The following DYM variants were observed in gnomAD, a reference collection of about 807,000 sequenced individuals.
DYM encodes the protein dymeclin, also known as dyggve-Melchior-Clausen syndrome protein.
A neutral mutation model predicts 93.1 loss-of-function variants in DYM; 78 were observed. The ratio of observed to expected loss-of-function variants is 0.84; its 90% CI spans 0.70 to 1.01. The LOEUF (loss-of-function observed/expected upper bound fraction) is 1.01, where lower values mean the gene tolerates loss of function less well. Ranked by LOEUF, DYM falls within the 50% of genes least tolerant of loss-of-function variation. DYM has a pLI of 0.00. For synonymous variants in DYM, 321 were observed against 319.7 expected, an observed-to-expected ratio of 1.00 and a Z score of -0.04; for missense variants, 789 against 845.0, an observed-to-expected ratio of 0.93 and a Z score of 0.82.
rs763939277 is a variant in DYM, at chr18:49,258,362, A to G, written c.1365+18T>C. The G allele has an allele frequency of 2.3e-5, 34 of 1,504,244 alleles. No individual in the cohort carries two copies. Among genetic ancestry groups the G allele is most frequent in the Non-Finnish European group, 2.3e-5 (25 of 1,079,806 alleles). 93.2% of individuals were successfully genotyped at this position (1,504,244 alleles called of 1,614,324 possible). A position where few individuals can be genotyped will look rare whatever the true frequency, so the allele number is the denominator to read the frequency against. ...GTACTGTATGCAAAAAAGATAGAAT[A>G]GCAGCTGGAATACTTACTCGTGTCC... On this transcript the variant is annotated intron_variant, in intron 12 of 17. Coordinates refer to ENST00000675505, the MANE Select transcript of DYM (RefSeq NM_001353214.3).
intron 2 of DYM, among the ~76,000 whole-genome samples, chr18:49,425,499 C>G (rs1002327993): frequency 1.3e-5 from 2 of 152,064 alleles, no homozygotes; most frequent in African/African-American, 2.4e-5. Context: ...GACTTCATGT[C>G]TAAAACACCA....
intron 17 of DYM, among the ~76,000 whole-genome samples, chr18:49,092,512 C>G (rs1273514483): frequency 1.3e-5 from 2 of 152,208 alleles, no homozygotes; most frequent in Non-Finnish European, 2.9e-5. Flanking sequence ...AAGGGGGTGC[C>G]TTTCTCTCCT....
At chr18:49,142,140 T>A (rs776878897) in intron 15 of DYM, among the ~76,000 whole-genome samples, 6 of 151,872 alleles carry the variant, frequency 4.0e-5, no homozygotes, top group Non-Finnish European at 8.8e-5. Context: ...GGATTACAGG[T>A]GTGAGCCACC....
chr18:49,314,097 A>G (rs1305030526), intron 8 of DYM, among the ~76,000 whole-genome samples: 1 of 152,220 alleles, frequency 6.6e-6, no homozygotes, highest in Non-Finnish European at 1.5e-5. Context: ...TTTCTTCCCT[A>G]TCAAATATTA....
chr18:49,282,487 C>T (rs1010868137), intron 9 of DYM, among the ~76,000 whole-genome samples: 2 of 152,098 alleles, frequency 1.3e-5, no homozygotes, highest in African/African-American at 4.8e-5. Context: ...GTGGCGTGGG[C>T]CTGTAATCCC....
At chr18:49,256,515 G>C (rs554536634) in intron 13 of DYM, among the ~76,000 whole-genome samples, 17 of 152,308 alleles carry the variant, frequency 1.1e-4, no homozygotes, top group Middle Eastern at 3.4e-3. Flanking sequence ...TTTTAGCCTA[G>C]TGAGACCCAC....
intron 8 of DYM, among the ~76,000 whole-genome samples, chr18:49,317,132 C>T (rs189010660): frequency 7.2e-5 from 11 of 152,180 alleles, no homozygotes; most frequent in South Asian, 2.1e-4. Context: ...ATGCTAACAG[C>T]GGAAACTTGA....
At chr18:49,102,669 G>GT (rs972895830) in intron 16 of DYM, among the ~76,000 whole-genome samples, 54 of 152,176 alleles carry the variant, frequency 3.5e-4, no homozygotes, top group African/African-American at 1.3e-3. Flanking sequence ...GTGGTGTTTG[G>GT]TTTTTTTGTC....
chr18:49,055,703 C>G (rs564610325), intron 17 of DYM, among the ~76,000 whole-genome samples: 1 of 152,302 alleles, frequency 6.6e-6, no homozygotes, highest in Non-Finnish European at 1.5e-5. Flanking sequence ...CCCAAAATGC[C>G]GAGGGCCAAA....
At chr18:49,112,814 T>G (rs1356919417) in intron 16 of DYM, among the ~76,000 whole-genome samples, 1 of 152,114 alleles carries the variant, frequency 6.6e-6, no homozygotes, top group African/African-American at 2.4e-5. Context: ...TCCCAGCCAG[T>G]TCCCCATAAC....
intron 11 of DYM, among the ~76,000 whole-genome samples, chr18:49,271,354 C>A (rs1461142289): frequency 6.6e-6 from 1 of 151,904 alleles, no homozygotes; most frequent in African/African-American, 2.4e-5. Flanking sequence ...CTGAGTTAAC[C>A]AAAAATGGTA....
Position 49,036,390 on chromosome 18 carries a change from A to C in DYM, c.*7665T>G, listed in dbSNP as rs568691965. ...TTTAAAGAATTTGTTCATTTTATGC[A>C]AAATCTAAAAACAACTTTAATGAGG... On this transcript the variant is annotated 3_prime_UTR_variant, in exon 18 of 18. Transcript: ENST00000675505. Among the ~76,000 whole-genome samples the C allele has an allele frequency of 3.3e-5, 5 of 151,936 alleles. No individual in the cohort carries two copies. In the East Asian group the frequency reaches 9.7e-4, roughly 29 times the overall value.
In DYM at chr18:49,133,056, C is replaced by A. The variant is rs578132417; in HGVS notation, c.1729-14130G>T. ...CTGTTAAATTATAATGCTATACATTCTTTGCCATTTGTTTTTGTTATAAAA... is the reference window on the plus strand; with the variant it reads ...CTGTTAAATTATAATGCTATACATTATTTGCCATTTGTTTTTGTTATAAAA... On this transcript the variant is annotated intron_variant, in intron 15 of 17. Coordinates refer to ENST00000675505, the MANE Select transcript of DYM (RefSeq NM_001353214.3). Among the ~76,000 whole-genome samples the A allele has an allele frequency of 4.6e-5, 7 of 152,272 alleles. No individual in the cohort carries two copies. The East Asian group carries it at 1.2e-3, about 25-fold the overall frequency.
intron 16 of DYM, among the ~76,000 whole-genome samples, chr18:49,098,840 A>G (rs903291761): frequency 2.0e-5 from 3 of 152,246 alleles, no homozygotes; most frequent in African/African-American, 7.2e-5. Flanking sequence ...ATATCTGAAA[A>G]AAGACACAAC....
chr18:49,305,365 C>G (rs1384290462), intron 8 of DYM, among the ~76,000 whole-genome samples: 1 of 152,208 alleles, frequency 6.6e-6, no homozygotes, highest in Non-Finnish European at 1.5e-5. Flanking sequence ...ACCCCCAGCT[C>G]TGCCCAGCAA....
In DYM at chr18:49,382,781, A is replaced by G. The variant is rs377441718; in HGVS notation, c.194-3023T>C. On this transcript the variant is annotated intron_variant, in intron 3 of 17. Coordinates refer to ENST00000675505, the MANE Select transcript of DYM (RefSeq NM_001353214.3). ...ACCTGATGCTAGAGCTTGAACTTGT[A>G]GCAGTCTGTTAACTAGTGATGCTTG... Among the ~76,000 whole-genome samples the G allele has an allele frequency of 3.3e-5, 5 of 152,344 alleles. No individual in the cohort carries two copies. In the East Asian group the frequency reaches 7.7e-4, roughly 23 times the overall value.
chr18:49,172,779 T>G (rs1467836100), intron 14 of DYM, among the ~76,000 whole-genome samples: 2 of 152,158 alleles, frequency 1.3e-5, no homozygotes, highest in African/African-American at 4.8e-5. Flanking sequence ...AATTTTAAAT[T>G]TGATGAAATT....
intron 15 of DYM, among the ~76,000 whole-genome samples, chr18:49,146,234 TATC>T (rs945583162): frequency 5.9e-5 from 9 of 152,164 alleles, no homozygotes; most frequent in Non-Finnish European, 1.2e-4. Context: ...CCACAGCTGA[TATC>T]ATACTGAATG....
At chr18:49,385,043 T>C (rs758513836) in intron 3 of DYM, among the ~76,000 whole-genome samples, 60 of 149,428 alleles carry the variant, frequency 4.0e-4, no homozygotes, top group Non-Finnish European at 7.4e-4. Context: ...TCACCAAGGG[T>C]TAAAGGAAAA....
Sources: gnomAD v4.1 joint callset for allele counts (sites outside exome capture counted in the v4.1 genomes callset) on GRCh38, gnomAD v4.1.1 for gene constraint, MANE v1.5 for transcripts, NCBI Gene and HGNC (gene_info 2026-07-23, HGNC 2026-07-21) for gene names.